Variants in PHLDB2 observed in about 807,000 individuals in gnomAD.
PHLDB2 encodes pleckstrin homology like domain family B member 2.
Under a neutral mutation model 123.6 loss-of-function variants are expected in PHLDB2, and 71 were observed. The observed-to-expected ratio is 0.57, with a 90% CI of 0.47 to 0.70. The LOEUF is 0.70. PHLDB2 is among the 30% of genes least tolerant of loss of function. PHLDB2 has a pLI of 0.00. For missense variants in PHLDB2, 1,446 were observed against 1,519.5 expected (o/e 0.95, Z 0.80); for synonymous variants, 547 against 541.6 (o/e 1.01, Z -0.14).
intron 1 of PHLDB2, among the ~76,000 whole-genome samples, chr3:111,750,417 T>C (rs1413870592): frequency 1.3e-5 from 2 of 152,196 alleles, no homozygotes; most frequent in Non-Finnish European, 2.9e-5. Flanking sequence ...AAAGAAATTC[T>C]GCAAGTTAGT....
Position 111,945,356 on chromosome 3 carries a change from A to T in PHLDB2, c.2486A>T (p.Glu829Val). The T allele has an allele frequency of 6.3e-7, 1 of 1,589,394 alleles. No individual in the cohort carries two copies. The highest frequency in any genetic ancestry group is 8.6e-7 in the Non-Finnish European group (1 of 1,159,254). ...CCCGTTAACCCCAATACTTTAAAAG[A>T]GGTAAGCTATGATTTTACATGTCGC... The part of the protein sequence containing the change: ...GFPVNPNTLK[E>V]GYISVNEINE... The change falls in exon 9 of 18, where the codon GAG (glutamate) becomes GTG (valine). Residue 829 changes from glutamate (E) to valine (V), a missense_variant and splice_region_variant. By Grantham distance (121) the Glu-to-Val change is moderately radical (BLOSUM62 -2). Around this residue, in one of 3 missense-constraint regions of PHLDB2, gnomAD observed 594 missense variants for 646.0 expected, o/e 0.92. Coordinates refer to ENST00000431670, the MANE Select transcript of PHLDB2 (RefSeq NM_001134438.2).
chr3:111,873,735 A>C (rs187083152), intron 1 of PHLDB2, among the ~76,000 whole-genome samples: 2 of 152,270 alleles, frequency 1.3e-5, no homozygotes, highest in Non-Finnish European at 2.9e-5. Context: ...TTTCAAAGCA[A>C]AGTCCTTCTT....
chr3:111,962,105 T>G lies in PHLDB2; in HGVS notation c.2873-3T>G. The G allele has an allele frequency of 6.3e-7, 1 of 1,575,214 alleles. No individual in the cohort carries two copies. The highest frequency in any genetic ancestry group is 8.6e-7 in the Non-Finnish European group (1 of 1,169,390). ...ACTAACATATTTATGGCTCCTTCCTTAGGTTATAATCACCAACAGATGAGT... is the reference window on the plus strand; with the variant it reads ...ACTAACATATTTATGGCTCCTTCCTGAGGTTATAATCACCAACAGATGAGT... On this transcript the variant is annotated splice_region_variant and splice_polypyrimidine_tract_variant and intron_variant, in intron 12 of 17. Transcript: ENST00000431670.
At chr3:111,920,186 T>C (rs2107528898) in intron 4 of PHLDB2, 96 bp from the exon 5 acceptor site, 1 of 1,408,526 alleles carries the variant, frequency 7.1e-7, no homozygotes, top group East Asian at 2.4e-5. Context: ...GTATTACTTT[T>C]GGAAATTTGT....
At chr3:111,760,345 C>G (rs1389362780) in intron 1 of PHLDB2, among the ~76,000 whole-genome samples, 1 of 152,180 alleles carries the variant, frequency 6.6e-6, no homozygotes, top group Non-Finnish European at 1.5e-5. Context: ...CAAACCAAAA[C>G]TTAGTTTCAA....
intron 1 of PHLDB2, among the ~76,000 whole-genome samples, chr3:111,789,768 G>A (rs956993048): frequency 1.9e-4 from 29 of 152,138 alleles, no homozygotes; most frequent in African/African-American, 5.6e-4. Flanking sequence ...AGCAGTTACC[G>A]CCGTGCCAAA....
chr3:111,843,280 A>G (rs1159617198), intron 1 of PHLDB2, among the ~76,000 whole-genome samples: 1 of 152,208 alleles, frequency 6.6e-6, no homozygotes, highest in Non-Finnish European at 1.5e-5. Context: ...TATTATAGCC[A>G]TCCCAGTGGG....
intron 1 of PHLDB2, among the ~76,000 whole-genome samples, chr3:111,770,640 T>G (rs1050549674): frequency 6.6e-6 from 1 of 152,200 alleles, no homozygotes; most frequent in Non-Finnish European, 1.5e-5. Context: ...AGAGAATTCA[T>G]ATCACTTTAC....
At chr3:111,825,047 T>C (rs1026322096) in intron 1 of PHLDB2, among the ~76,000 whole-genome samples, 1 of 152,230 alleles carries the variant, frequency 6.6e-6, no homozygotes, top group Admixed American at 6.5e-5. Context: ...GACTATTTCA[T>C]GGTAAACCCC....
intron 1 of PHLDB2, chr3:111,779,705 C>T (rs1334618486): frequency 3.1e-6 from 1 of 325,616 alleles, no homozygotes; most frequent in South Asian, 1.2e-4. Flanking sequence ...TGGGTTCATT[C>T]CACATTTTTG....
intron 2 of PHLDB2, among the ~76,000 whole-genome samples, chr3:111,849,159 A>AGTTTGTTTCTTTTTTGTTT (rs2064139650): frequency 6.6e-6 from 1 of 151,844 alleles, no homozygotes; most frequent in South Asian, 2.1e-4. Context: ...AAAGTTCTGG[A>AGTTTGTTTCTTTTTTGTTT]GTTTGTTTCT....
chr3:111,800,217 G>A (rs958034080), intron 1 of PHLDB2, among the ~76,000 whole-genome samples: 11 of 152,090 alleles, frequency 7.2e-5, no homozygotes, highest in African/African-American at 1.9e-4. Flanking sequence ...ATGTTTCCCC[G>A]GCTAGTGTTA....
At chr3:111,918,815 T>C (rs2068327436) in intron 3 of PHLDB2, among the ~76,000 whole-genome samples, 1 of 152,208 alleles carries the variant, frequency 6.6e-6, no homozygotes, top group Non-Finnish European at 1.5e-5. Context: ...ATCTCTTAGT[T>C]CTTTTAGCTT....
At chr3:111,878,434 A>T (rs920382735) in intron 1 of PHLDB2, among the ~76,000 whole-genome samples, 6 of 152,210 alleles carry the variant, frequency 3.9e-5, no homozygotes, top group African/African-American at 1.4e-4. Flanking sequence ...GTTGCTTATC[A>T]GCTTAAGGAG....
At position 111,945,199 on chromosome 3, in the gene PHLDB2, A is replaced by G. The variant is rs567254461; in HGVS notation, c.2398-69A>G. On this transcript the variant is annotated intron_variant, in intron 8 of 17. Transcript: ENST00000431670. Reference sequence around the variant, plus strand: ...AGAATCTGATGTTAGTCTCTAATGCAAAGTCACCATGCTTCTCAGTTGCAT... The same window carrying G: ...AGAATCTGATGTTAGTCTCTAATGCGAAGTCACCATGCTTCTCAGTTGCAT... The G allele has an allele frequency of 2.9e-6, 3 of 1,039,572 alleles. No individual in the cohort carries two copies. In the African/African-American group the frequency reaches 4.8e-5, roughly 17 times the overall value. 64.4% of individuals were successfully genotyped at this position (1,039,572 alleles called of 1,614,324 possible).
chr3:111,821,072 G>C (rs566534871), intron 1 of PHLDB2, among the ~76,000 whole-genome samples: 3 of 152,282 alleles, frequency 2.0e-5, no homozygotes, highest in East Asian at 3.9e-4. Context: ...TCTCCTTTTA[G>C]GTCTTATGTG....
chr3:111,913,328 C>T lies in PHLDB2; in HGVS notation c.1345C>T (p.Arg449Cys), dbSNP rs749757991. 1.1e-5 allele frequency: 18 copies of T among 1,593,754 alleles called. No individual in the cohort carries two copies. Among genetic ancestry groups the T allele is most frequent in the Non-Finnish European group, 1.5e-5 (18 of 1,170,868 alleles). ...CCTCCCTGTGTTCCAGGAGAGACAGCGTCTGGAGACCATCCTCAGTCTCTG... is the reference window on the plus strand; with the variant it reads ...CCTCCCTGTGTTCCAGGAGAGACAGTGTCTGGAGACCATCCTCAGTCTCTG... ...EQEMERLERQ[R>C]LETILSLCAE... The change falls in exon 3 of 18, where the codon CGT (arginine) becomes TGT (cysteine). Residue 449 changes from arginine to cysteine, a missense_variant. Physicochemically the swap from Arg to Cys is radical, Grantham distance 180. Coordinates refer to ENST00000431670, the MANE Select transcript of PHLDB2 (RefSeq NM_001134438.2).
At position 111,859,697 on chromosome 3, in the gene PHLDB2, G is replaced by A. The variant is rs552919551; in HGVS notation, c.-15+121G>A. 6,995 of 985,456 alleles carry A rather than the reference G, an allele frequency of 7.1e-3. 37 individuals carry two copies. The highest frequency in any genetic ancestry group is 8.1e-3 in the Non-Finnish European group (6,689 of 829,972). The allele number at this position is 985,456 out of a possible 1,614,324, so 61.0% of individuals were successfully genotyped here. Reference sequence around the variant, plus strand: ...GTTGGTTGCCGCCGGTTGCGCTGCGGAGGGTTGGGGGCGGAGAGGAGGCAG... The same window carrying A: ...GTTGGTTGCCGCCGGTTGCGCTGCGAAGGGTTGGGGGCGGAGAGGAGGCAG... On this transcript the variant is annotated intron_variant, in intron 1 of 17. Transcript: ENST00000431670.
intron 5 of PHLDB2, among the ~76,000 whole-genome samples, chr3:111,926,664 G>T (rs13086957): frequency 6.6e-6 from 1 of 151,402 alleles, no homozygotes; most frequent in Non-Finnish European, 1.5e-5. Flanking sequence ...AAAAATCTAA[G>T]AAAGAAAGAA....
Sources: gnomAD v4.1 joint callset for allele counts (sites outside exome capture counted in the v4.1 genomes callset) on GRCh38, gnomAD v4.1.1 for gene constraint, gnomAD v4.1.1 regional missense constraint, MANE v1.5 for transcripts, NCBI Gene and HGNC (gene_info 2026-07-23, HGNC 2026-07-21) for gene names.